Variants in PLEC observed in about 807,000 individuals in gnomAD.
PLEC encodes the protein hemidesmosomal protein 1.
PLEC carries 216 observed loss-of-function variants against 392.8 expected under a neutral mutation model. The ratio of observed to expected loss-of-function variants is 0.55; its 90% confidence interval spans 0.49 to 0.62. The LOEUF is 0.62. Ranked by LOEUF, PLEC falls within the 20% of genes least tolerant of loss-of-function variation. The pLI is 0.00. For synonymous variants in PLEC, 3,621 were observed against 2,980.6 expected (o/e 1.21, Z -7.00); for missense variants, 6,863 against 6,563.4 (o/e 1.05, Z -1.58).
intron 1 of PLEC, among the ~76,000 whole-genome samples, chr8:143,948,318 T>C (rs1218335448): frequency 6.6e-6 from 1 of 152,240 alleles, no homozygotes; most frequent in Non-Finnish European, 1.5e-5. Flanking sequence ...ACGGAGCGGC[T>C]GTGCAGTGGG....
chr8:143,933,075 G>A lies in PLEC; in HGVS notation c.1455C>T (p.Arg485=), dbSNP rs2131950939. ...CCTTCAGCCGTAGGTTGTACTCGGT[G>A]CGGATGGCTACCAGGCGCTCGTGCA... ...YRLHERLVAI[R]TEYNLRLKAG... is the part of the protein sequence containing the mutation. The change falls in exon 14 of 32, where the codon CGC becomes CGT. Residue 485 remains arginine, a synonymous_variant. Transcript: ENST00000345136. The A allele has an allele frequency of 1.3e-6, 2 of 1,590,442 alleles. No individual in the cohort carries two copies. Among genetic ancestry groups the A allele is most frequent in the East Asian group, 2.3e-5 (1 of 43,878 alleles).
chr8:143,922,202 T>TGCTGCTGCTGCC lies in PLEC; in HGVS notation c.7607_7618dup (p.Arg2536_Gln2539dup), dbSNP rs1372588772. On this transcript the variant is annotated inframe_insertion, in exon 32 of 32. Transcript: ENST00000345136. ...CAGCCGCTGCCGTTCCTGCTCCATCTGCTGCTGCTGCCGCTGCTGCTCCTC... is the reference window on the plus strand; with the variant it reads ...CAGCCGCTGCCGTTCCTGCTCCATCTGCTGCTGCTGCCGCTGCTGCTGCCGCTGCTGCTCCTC... 3.4e-5 allele frequency: 53 copies of TGCTGCTGCTGCC among 1,552,252 alleles called. No homozygotes were observed. Among genetic ancestry groups the TGCTGCTGCTGCC allele is most frequent in the Non-Finnish European group, 4.3e-5 (49 of 1,152,736 alleles).
intron 1 of PLEC, among the ~76,000 whole-genome samples, chr8:143,959,398 C>A (rs887764551): frequency 1.3e-5 from 2 of 152,254 alleles, no homozygotes; most frequent in African/African-American, 4.8e-5. Context: ...AACTGACGAT[C>A]GGTCAGAGCT....
chr8:143,918,854 C>T lies in PLEC; in HGVS notation c.10967G>A (p.Arg3656Gln), dbSNP rs370136466. 16 of 1,612,782 alleles carry T rather than the reference C, an allele frequency of 9.9e-6. No homozygotes were observed. Among genetic ancestry groups the T allele is most frequent in the African/African-American group, 6.7e-5 (5 of 74,932 alleles). ...GTTGTAGGTCTCGAGAGAGATGATC[C>T]GAGCCTCGAACAGGTCCTCAGCCGT... ...RLTAEDLFEA[R>Q]IISLETYNLL... is the part of the protein sequence containing the mutation. Residue 3656 changes from arginine (R) to glutamine (Q), a missense_variant, in exon 32 of 32, where the codon CGG (arginine) becomes CAG (glutamine). Physicochemically the swap from Arg to Gln is conservative, Grantham distance 43 (BLOSUM62 1). Coordinates refer to ENST00000345136, the MANE Select transcript of PLEC (RefSeq NM_201384.3).
Position 143,921,186 on chromosome 8 carries a change from G to T in PLEC, c.8635C>A (p.Leu2879Met), listed in dbSNP as rs563493425. ...ERCVEDPETG[L>M]CLLPLTDKAA... The stretch of plus-strand genomic sequence containing the variant: ...TTATCCGTGAGTGGCAGAAGGCACA[G>T]GCCCGTCTCGGGGTCCTCCACGCAG... Residue 2879 changes from leucine (L) to methionine (M), a missense_variant, in exon 32 of 32, where the codon CTG becomes ATG. Coordinates refer to ENST00000345136, the MANE Select transcript of PLEC (RefSeq NM_201384.3). The T allele has an allele frequency of 6.2e-7, 1 of 1,613,996 alleles. No individual in the cohort carries two copies. Among genetic ancestry groups the T allele is most frequent in the East Asian group, 2.2e-5 (1 of 44,880 alleles).
chr8:143,932,946 C>A lies in PLEC; in HGVS notation c.1584G>T (p.Leu528=), dbSNP rs782658293. Residue 528 remains leucine (L), a synonymous_variant, in exon 14 of 32, where the codon CTG becomes CTT. Transcript: ENST00000345136. Reference sequence around the variant, plus strand: ...GCTGGTTCTCCTCCACCCAGGCCAGCAGGTCCTGCAGGTAGCGCAGAGTGG... The same window carrying A: ...GCTGGTTCTCCTCCACCCAGGCCAGAAGGTCCTGCAGGTAGCGCAGAGTGG... The part of the protein sequence containing the change: ...EDSTLRYLQD[L]LAWVEENQHR... 2 of 1,612,546 alleles carry A rather than the reference C, an allele frequency of 1.2e-6. No homozygotes were observed. Among genetic ancestry groups the A allele is most frequent in the East Asian group, 2.2e-5 (1 of 44,894 alleles).
At position 143,924,716 on chromosome 8, in the gene PLEC, C is replaced by T. The variant is rs577419493; in HGVS notation, c.5213G>A (p.Arg1738Gln). The T allele has an allele frequency of 8.7e-5, 133 of 1,534,138 alleles. No individual in the cohort carries two copies. The highest frequency in any genetic ancestry group is 6.0e-5 in the South Asian group (5 of 84,002). Reference sequence around the variant, plus strand: ...GGCTGCAGCCGCCTCACGCTGCAGCCGGGCCAGCTCCTCCTCCAGCAGCTG... The same window carrying T: ...GGCTGCAGCCGCCTCACGCTGCAGCTGGGCCAGCTCCTCCTCCAGCAGCTG... ...QRQLLEEELA[R>Q]LQREAAAATQ... The change falls in exon 31 of 32, where the codon CGG (arginine) becomes CAG (glutamine). Residue 1738 changes from arginine to glutamine, a missense_variant. Coordinates refer to ENST00000345136, the MANE Select transcript of PLEC (RefSeq NM_201384.3).
At chr8:143,940,230 A>C (rs1830187565), upstream of PLEC, among the ~76,000 whole-genome samples, 1 of 152,096 alleles carries the variant, frequency 6.6e-6, no homozygotes, top group Non-Finnish European at 1.5e-5. Flanking sequence ...ATCCTGGAGC[A>C]GTGCCCACCT....
chr8:143,932,534 G>A lies in PLEC; in HGVS notation c.1843C>T (p.Leu615=), dbSNP rs1554717314. ...GCCACAAAGCTGTGCAAGCTCTCCA[G>A]GGACCTGAGGCGGGCCTTGGAGGAG... ...LNSSKARLRS[L]ESLHSFVAAA... is the part of the protein sequence containing the mutation. Residue 615 remains leucine (L), a synonymous_variant, in exon 16 of 32, where the codon CTG becomes TTG. Transcript: ENST00000345136. 7 of 1,612,598 alleles carry A rather than the reference G, an allele frequency of 4.3e-6. No homozygotes were observed. Among genetic ancestry groups the A allele is most frequent in the Admixed American group, 1.7e-5 (1 of 60,018 alleles).
rs577001346 is a variant in PLEC, at chr8:143,922,728, C to T, written c.7201G>A (p.Glu2401Lys). The change falls in exon 31 of 32, where the codon GAG becomes AAG. Residue 2401 changes from glutamate (E) to lysine (K), a missense_variant. Transcript: ENST00000345136. ...EMSRAQARAE[E>K]DAQRFRKQAE... ...TGCTTCCGGAAGCGCTGGGCGTCCTCCTCAGCGCGGGCCTGGGCTCGGCTC... is the reference window on the plus strand; with the variant it reads ...TGCTTCCGGAAGCGCTGGGCGTCCTTCTCAGCGCGGGCCTGGGCTCGGCTC... 1 of 1,611,564 alleles carries T rather than the reference C, an allele frequency of 6.2e-7. No homozygotes were observed. The highest frequency in any genetic ancestry group is 1.3e-5 in the African/African-American group (1 of 74,892).
chr8:143,921,857 G>T lies in PLEC; in HGVS notation c.7964C>A (p.Ala2655Asp). The T allele has an allele frequency of 6.2e-7, 1 of 1,604,466 alleles. No homozygotes were observed. Residue 2655 changes from alanine to aspartate, a missense_variant, in exon 32 of 32, where the codon GCT (alanine) becomes GAT (aspartate). Coordinates refer to ENST00000345136, the MANE Select transcript of PLEC (RefSeq NM_201384.3). Reference protein sequence around the residue: ...SFDGLRRKVSAQRLQEAGILS... With the variant: ...SFDGLRRKVSDQRLQEAGILS... ...GATGCCGGCCTCCTGCAGCCTCTGA[G>T]CTGACACCTTCCGCCGCAGGCCATC...
At position 143,933,352 on chromosome 8, in the gene PLEC, C is replaced by A; in HGVS notation, c.1264-1G>T. On this transcript the variant is annotated splice_acceptor_variant, in intron 12 of 31. Transcript: ENST00000345136. LOFTEE classifies it high-confidence loss of function. ...TGCCTGCAGCCAGCAGCCGGACATC[C>A]TGCAAGGTCGTTGCCATGACTCGGA... 6.2e-7 allele frequency: 1 copy of A among 1,610,456 alleles called. No individual in the cohort carries two copies. The highest frequency in any genetic ancestry group is 8.5e-7 in the Non-Finnish European group (1 of 1,179,944).
chr8:143,946,326 A>G, intron 1 of PLEC: 1 of 1,287,034 alleles, frequency 7.8e-7, no homozygotes, highest in Non-Finnish European at 1.0e-6. Context: ...TGCCTCCCAC[A>G]GCCCCCAGCT....
In PLEC at chr8:143,915,293, C is replaced by CA. The variant is rs1314270387; in HGVS notation, c.*883dup. On this transcript the variant is annotated 3_prime_UTR_variant, in exon 32 of 32. Transcript: ENST00000345136. ...CGGGGTTAGTGGAACATGCAAAGCT[C>CA]AGAGGGTGGAGGCAGGGGTGGTCGC... 5 of 152,618 alleles carry CA rather than the reference C, an allele frequency of 3.3e-5. No homozygotes were observed. Among genetic ancestry groups the CA allele is most frequent in the Admixed American group, 3.3e-4 (5 of 15,284 alleles). The allele number at this position is 152,618 out of a possible 1,614,324, so 9.5% of individuals were successfully genotyped here.
At chr8:143,947,392 C>T (rs1831622523) in intron 1 of PLEC, among the ~76,000 whole-genome samples, 1 of 152,254 alleles carries the variant, frequency 6.6e-6, no homozygotes, top group East Asian at 1.9e-4. Flanking sequence ...CAGCGCTCAG[C>T]TGGCGTCTCC....
rs782305264 is a variant in PLEC, at chr8:143,920,896, C to G, written c.8925G>C (p.Glu2975Asp). ...EQEQKGRLCF[E>D]GLRSLVPAAE... ...CGGCTGGCACCAGGCTGCGCAGGCC[C>G]TCAAAGCAAAGCCGGCCCTTCTGCT... Residue 2975 changes from glutamate (E) to aspartate (D), a missense_variant, in exon 32 of 32, where the codon GAG (glutamate) becomes GAC (aspartate). Physicochemically the swap from Glu to Asp is conservative, Grantham distance 45 (BLOSUM62 2). Transcript: ENST00000345136. 7 of 1,612,078 alleles carry G rather than the reference C, an allele frequency of 4.3e-6. No individual in the cohort carries two copies. Among genetic ancestry groups the G allele is most frequent in the South Asian group, 1.1e-5 (1 of 91,082 alleles).
intron 1 of PLEC, 47 bp from the exon 2 acceptor site, chr8:143,938,739 G>C: frequency 6.5e-7 from 1 of 1,550,046 alleles, no homozygotes; most frequent in South Asian, 1.1e-5. Flanking sequence ...AGAAGCCCCG[G>C]GGGCCCTCAG....
chr8:143,923,890 CCGCT>C lies in PLEC; in HGVS notation c.6035_6038del (p.Glu2012GlyfsTer2), dbSNP rs1379818731. The C allele has an allele frequency of 6.3e-7, 1 of 1,594,538 alleles. No individual in the cohort carries two copies. Among genetic ancestry groups the C allele is most frequent in the African/African-American group, 1.3e-5 (1 of 74,832 alleles). ...GCGCCTCCTCCACCTTGGCTTTCAG[CCGCT>C]CGACTTCCTCCAGCGCCGCCTTCCG... is the stretch of plus-strand genomic sequence containing the variant. On this transcript the variant is annotated frameshift_variant, in exon 31 of 32. Coordinates refer to ENST00000345136, the MANE Select transcript of PLEC (RefSeq NM_201384.3). LOFTEE classifies it high-confidence loss of function.
chr8:143,916,844 G>T lies in PLEC; in HGVS notation c.12977C>A (p.Thr4326Asn), dbSNP rs1272806541. 9 of 1,612,518 alleles carry T rather than the reference G, an allele frequency of 5.6e-6. No individual in the cohort carries two copies. Among genetic ancestry groups the T allele is most frequent in the Non-Finnish European group, 7.6e-6 (9 of 1,179,884 alleles). ...GTCGGTGACAGGGAAGCGCTCACCG[G>T]TGCTGGGGTCGATGATGCCCCCGGT... is the stretch of plus-strand genomic sequence containing the variant. ...ACTGGIIDPS[T>N]GERFPVTDAV... is the part of the protein sequence containing the mutation. Residue 4326 changes from threonine (T) to asparagine (N), a missense_variant, in exon 32 of 32, where the codon ACC becomes AAC. Thr to Asn is a moderately conservative substitution (Grantham distance 65). Coordinates refer to ENST00000345136, the MANE Select transcript of PLEC (RefSeq NM_201384.3).
Sources: gnomAD v4.1 joint callset for allele counts (sites outside exome capture counted in the v4.1 genomes callset) on GRCh38, gnomAD v4.1.1 for gene constraint, MANE v1.5 for transcripts, NCBI Gene and HGNC (gene_info 2026-07-23, HGNC 2026-07-21) for gene names.